Variants in ANKRD27 observed in about 807,000 individuals in gnomAD.
ANKRD27 encodes the protein ankyrin repeat domain-containing protein 27.
Under a neutral mutation model 129.7 loss-of-function variants are expected in ANKRD27, and 112 were observed. The ratio of observed to expected loss-of-function variants is 0.86; its 90% confidence interval spans 0.74 to 1.01. The LOEUF is 1.01. ANKRD27 is among the 50% of genes least tolerant of loss of function. The pLI, the probability that ANKRD27 is intolerant of heterozygous loss-of-function variation, is 0.00. For missense variants in ANKRD27, 1,258 were observed against 1,300.5 expected, an observed-to-expected ratio of 0.97 and a Z score of 0.50; for synonymous variants, 516 against 511.2, an observed-to-expected ratio of 1.01 and a Z score of -0.13.
intron 14 of ANKRD27, 79 bp from the exon 15 acceptor site, chr19:32,628,244 G>A: frequency 7.2e-6 from 9 of 1,242,336 alleles, no homozygotes; most frequent in Non-Finnish European, 1.1e-5. Flanking sequence ...AGATAGGCAG[G>A]TACCACAGAC....
Position 32,648,470 on chromosome 19 carries a change from G to A in ANKRD27, c.213+1212C>T, listed in dbSNP as rs760093275. ...GTTCTTGGGAAATACACACTGAGCT[G>A]TCTTGGGCTAAAGGGCACAGTGCCT... On this transcript the variant is annotated intron_variant, in intron 3 of 28. Coordinates refer to ENST00000306065, the MANE Select transcript of ANKRD27 (RefSeq NM_032139.3). Among the ~76,000 whole-genome samples, 360 of 152,364 alleles carry A rather than the reference G, an allele frequency of 2.4e-3. 2 individuals are homozygous for A. The highest frequency in any genetic ancestry group is 3.9e-3 in the Non-Finnish European group (263 of 68,040).
chr19:32,601,423 C>A (rs1297869676), intron 26 of ANKRD27, among the ~76,000 whole-genome samples: 1 of 151,834 alleles, frequency 6.6e-6, no homozygotes, highest in African/African-American at 2.4e-5. Context: ...GGTGAAGCCC[C>A]TCTCTACTAA....
At chr19:32,640,248 C>T (rs565828226) in intron 11 of ANKRD27, 59 bp downstream of exon 11, 13 of 1,429,506 alleles carry the variant, frequency 9.1e-6, no homozygotes, top group Admixed American at 8.5e-5. Flanking sequence ...CAGGCGTGAG[C>T]CACCGTGCCC....
chr19:32,668,120 C>T (rs1052187371), intron 1 of ANKRD27, among the ~76,000 whole-genome samples: 3 of 152,242 alleles, frequency 2.0e-5, no homozygotes, highest in Non-Finnish European at 4.4e-5. Flanking sequence ...CCAGGCACTG[C>T]AATAACTTCT....
rs774958546 is a variant in ANKRD27, at chr19:32,602,022, C to T, written c.2760G>A (p.Arg920=). The change falls in exon 26 of 29, where the codon AGG becomes AGA. Residue 920 remains arginine, a synonymous_variant. Coordinates refer to ENST00000306065, the MANE Select transcript of ANKRD27 (RefSeq NM_032139.3). ...DRKEYVTVKI[R]KKWNSKLYDL... is the part of the protein sequence containing the mutation. ...AAGAACGTAAACTCTTACATTTTTT[C>T]CTGATCTTAACAGTGACATACTCCT... 19 of 1,607,688 alleles carry T rather than the reference C, an allele frequency of 1.2e-5. No homozygotes were observed. The highest frequency in any genetic ancestry group is 1.5e-5 in the Non-Finnish European group (18 of 1,176,640).
intron 4 of ANKRD27, among the ~76,000 whole-genome samples, chr19:32,644,814 G>C (rs980830955): frequency 6.6e-6 from 1 of 152,202 alleles, no homozygotes; most frequent in African/African-American, 2.4e-5. Context: ...ATCTCAAAGA[G>C]GCACAATGCT....
Position 32,599,987 on chromosome 19 carries a change from G to A in ANKRD27, c.2831C>T (p.Ser944Leu), listed in dbSNP as rs372391792. ...TCATACTCACTTAAACTGACCAGCT[G>A]AGTGGACAAAGTAAAACTGTCTTGT... ...PFTRQFYFVH[S>L]AGQFKGKTSR... Residue 944 changes from serine to leucine, a missense_variant, in exon 27 of 29, where the codon TCA becomes TTA. Physicochemically the swap from Ser to Leu is moderately radical, Grantham distance 145. Coordinates refer to ENST00000306065, the MANE Select transcript of ANKRD27 (RefSeq NM_032139.3). The A allele has an allele frequency of 4.4e-5, 71 of 1,612,602 alleles. No homozygotes were observed. The highest frequency in any genetic ancestry group is 5.9e-5 in the Non-Finnish European group (70 of 1,179,056).
chr19:32,640,482 T>C, intron 10 of ANKRD27, 97 bp from the exon 11 acceptor site: 1 of 973,904 alleles, frequency 1.0e-6, no homozygotes, highest in Non-Finnish European at 1.7e-6. Context: ...TGAAACCACG[T>C]ATCAGGGAGA....
chr19:32,670,132 A>C (rs1169706667), intron 1 of ANKRD27, among the ~76,000 whole-genome samples: 2 of 152,222 alleles, frequency 1.3e-5, no homozygotes, highest in Non-Finnish European at 2.9e-5. Context: ...TGAGTGCCAC[A>C]TCAAAACATG....
chr19:32,598,544 A>G (rs1971605021), intron 28 of ANKRD27, among the ~76,000 whole-genome samples, 166 bp from the exon 29 acceptor site: 1 of 152,230 alleles, frequency 6.6e-6, no homozygotes, highest in African/African-American at 2.4e-5. Flanking sequence ...TGGCATGTGC[A>G]TACTACATGT....
In ANKRD27 at chr19:32,669,406, C is replaced by T. The variant is rs78579090; in HGVS notation, c.-31+5665G>A. On this transcript the variant is annotated intron_variant, in intron 1 of 28. Coordinates refer to ENST00000306065, the MANE Select transcript of ANKRD27 (RefSeq NM_032139.3). ...CAGATAATCCTTTTATGAGTCTCCA[C>T]CACAATGAGATAATGCAATTTTGCT... Among the ~76,000 whole-genome samples, 64 of 152,306 alleles carry T rather than the reference C, an allele frequency of 4.2e-4. 2 individuals carry two copies. The East Asian group carries it at 0.012, about 28-fold the overall frequency.
chr19:32,669,105 C>T (rs1967817315), intron 1 of ANKRD27, among the ~76,000 whole-genome samples: 1 of 152,164 alleles, frequency 6.6e-6, no homozygotes. Flanking sequence ...GCAACCATGC[C>T]CAGCCTAAGA....
intron 1 of ANKRD27, among the ~76,000 whole-genome samples, chr19:32,667,157 C>T (rs1390125432): frequency 6.6e-6 from 1 of 152,208 alleles, no homozygotes; most frequent in Admixed American, 6.5e-5. Context: ...AAACAGGCAC[C>T]CGACTTCCCA....
intron 17 of ANKRD27, among the ~76,000 whole-genome samples, chr19:32,622,905 G>A (rs1014411320): frequency 6.6e-6 from 1 of 150,654 alleles, no homozygotes; most frequent in African/African-American, 2.4e-5. Flanking sequence ...AGCCTCCCGA[G>A]CAGCTGGGAC....
chr19:32,647,549 G>A (rs1173281172), intron 3 of ANKRD27, among the ~76,000 whole-genome samples: 4 of 152,230 alleles, frequency 2.6e-5, no homozygotes, highest in Non-Finnish European at 5.9e-5. Flanking sequence ...TCCTCACTGG[G>A]GCAGGGGCTG....
chr19:32,642,017 C>A lies in ANKRD27; in HGVS notation c.904+7G>T, dbSNP rs773952698. Reference sequence around the variant, plus strand: ...CCCCTTGGCCAGTCCCCTTTCCAAGCACAAACCTCTCTGGCTTGGAGACTG... The same window carrying A: ...CCCCTTGGCCAGTCCCCTTTCCAAGAACAAACCTCTCTGGCTTGGAGACTG... On this transcript the variant is annotated splice_region_variant and intron_variant, in intron 10 of 28. Transcript: ENST00000306065. 11 of 1,574,446 alleles carry A rather than the reference C, an allele frequency of 7.0e-6. No homozygotes were observed. The Admixed American group carries it at 1.1e-4, about 15-fold the overall frequency.
chr19:32,614,375 T>A lies in ANKRD27; in HGVS notation c.2175+1283A>T, dbSNP rs191710127. Reference sequence around the variant, plus strand: ...ATAAAGCAGTTTAGTGTTCTGTCTTTTTGAGACATTACAAAACAAGAACAA... The same window carrying A: ...ATAAAGCAGTTTAGTGTTCTGTCTTATTGAGACATTACAAAACAAGAACAA... On this transcript the variant is annotated intron_variant, in intron 22 of 28. Coordinates refer to ENST00000306065, the MANE Select transcript of ANKRD27 (RefSeq NM_032139.3). 8.7e-3 allele frequency among the ~76,000 whole-genome samples: 1,320 copies of A among 152,244 alleles called. 14 individuals carry two copies. The highest frequency in any genetic ancestry group is 0.03 in the African/African-American group (1,242 of 41,528).
Position 32,659,051 on chromosome 19 carries a change from A to G in ANKRD27, c.-30-6T>C, listed in dbSNP as rs1334387002. 6.7e-7 allele frequency: 1 copy of G among 1,490,874 alleles called. No homozygotes were observed. The highest frequency in any genetic ancestry group is 1.7e-5 in the Admixed American group (1 of 59,740). The allele number at this position is 1,490,874 out of a possible 1,614,324, so 92.4% of individuals were successfully genotyped here. A position where few individuals can be genotyped will look rare whatever the true frequency, so the allele number is the denominator to read the frequency against. Reference sequence around the variant, plus strand: ...GATGGGTCAGAGCAAATCTCCTGCAATAAGGGAGGGAAAAGCAGTGAATAG... The same window carrying G: ...GATGGGTCAGAGCAAATCTCCTGCAGTAAGGGAGGGAAAAGCAGTGAATAG... On this transcript the variant is annotated splice_polypyrimidine_tract_variant and splice_region_variant and intron_variant, in intron 1 of 28. Transcript: ENST00000306065.
chr19:32,626,316 C>T (rs1361187952), intron 16 of ANKRD27, among the ~76,000 whole-genome samples: 2 of 152,102 alleles, frequency 1.3e-5, no homozygotes, highest in Non-Finnish European at 2.9e-5. Context: ...TATAGGCACA[C>T]ACCATCATGC....
Sources: allele counts gnomAD v4.1 joint callset (sites outside exome capture counted in the v4.1 genomes callset), GRCh38; gene constraint gnomAD v4.1.1; transcripts MANE v1.5; gene names NCBI Gene and HGNC (gene_info 2026-07-23, HGNC 2026-07-21).